The following NIBAN1 variants were observed in gnomAD, a reference collection of about 807,000 sequenced individuals.
NIBAN1 encodes the protein protein Niban 1.
Under a neutral mutation model 75.1 loss-of-function variants are expected in NIBAN1, and 81 were observed. The observed-to-expected ratio is 1.08, with a 90% confidence interval of 0.90 to 1.30. The LOEUF is 1.30. NIBAN1 is among the 50% of genes most tolerant of loss of function. The pLI, the probability that NIBAN1 is intolerant of heterozygous loss-of-function variation, is 0.00. For synonymous variants in NIBAN1, 436 were observed against 424.8 expected (o/e 1.03, Z -0.32); for missense variants, 1,133 against 1,128.1 (o/e 1.00, Z -0.06).
At chr1:184,860,705 G>T (rs1457715080) in intron 5 of NIBAN1, among the ~76,000 whole-genome samples, 1 of 152,190 alleles carries the variant, frequency 6.6e-6, no homozygotes, top group Non-Finnish European at 1.5e-5. Flanking sequence ...AGTAATGAGA[G>T]TGAGTAACAC....
chr1:184,960,202 A>C (rs189964110), intron 1 of NIBAN1, among the ~76,000 whole-genome samples: 94 of 152,318 alleles, frequency 6.2e-4, no homozygotes, highest in African/African-American at 2.2e-3. Context: ...TAATAACAAT[A>C]ATTGAAATGT....
intron 5 of NIBAN1, among the ~76,000 whole-genome samples, chr1:184,842,622 G>A (rs146409195): frequency 0.042 from 6,432 of 152,138 alleles, 204 homozygotes; most frequent in Middle Eastern, 0.11. Context: ...GCGTGGTGGC[G>A]GGCGCCTGTA....
chr1:184,906,268 A>AAC (rs35005865), intron 1 of NIBAN1, among the ~76,000 whole-genome samples: 61,704 of 149,556 alleles, frequency 0.41, 13,633 homozygotes, highest in South Asian at 0.56. Context: ...AAAATAAATG[A>AAC]ACACACACAC....
At chr1:184,955,962 A>AGT (rs1156867202) in intron 1 of NIBAN1, among the ~76,000 whole-genome samples, 1 of 151,588 alleles carries the variant, frequency 6.6e-6, no homozygotes, top group Non-Finnish European at 1.5e-5. Flanking sequence ...GTGTCCACTT[A>AGT]GTGTCTTTGT....
intron 5 of NIBAN1, among the ~76,000 whole-genome samples, chr1:184,879,165 C>A (rs1377767080): frequency 3.3e-5 from 5 of 152,196 alleles, no homozygotes; most frequent in Non-Finnish European, 7.3e-5. Context: ...CAGTAACTAG[C>A]AAGCATTTTG....
intron 1 of NIBAN1, among the ~76,000 whole-genome samples, chr1:184,914,224 T>C (rs1248947771): frequency 5.3e-5 from 8 of 152,258 alleles, no homozygotes; most frequent in Non-Finnish European, 8.8e-5. Flanking sequence ...TATATGACTT[T>C]GGGCAAGTCA....
At chr1:184,841,378 TATAAC>T (rs1655283559) in intron 5 of NIBAN1, among the ~76,000 whole-genome samples, 1 of 152,168 alleles carries the variant, frequency 6.6e-6, no homozygotes, top group South Asian at 2.1e-4. Flanking sequence ...AAATGCGAAA[TATAAC>T]AGGAACAAGA....
chr1:184,933,604 T>C (rs1312927363), intron 1 of NIBAN1, among the ~76,000 whole-genome samples: 1 of 152,242 alleles, frequency 6.6e-6, no homozygotes, highest in Non-Finnish European at 1.5e-5. Context: ...CTGATGTTCA[T>C]AAGTTCACAT....
intron 2 of NIBAN1, 101 bp downstream of exon 2, chr1:184,899,078 T>C (rs957502993): frequency 1.0e-5 from 14 of 1,400,414 alleles, no homozygotes; most frequent in Non-Finnish European, 1.4e-5. Flanking sequence ...AGCAGAGTTT[T>C]TAAAACTGCC....
chr1:184,944,788 T>G (rs1240121651), intron 1 of NIBAN1, among the ~76,000 whole-genome samples: 1 of 152,306 alleles, frequency 6.6e-6, no homozygotes, highest in East Asian at 1.9e-4. Context: ...CAAGGGTCTT[T>G]TAGTTGTATA....
chr1:184,890,257 T>A, intron 3 of NIBAN1, 35 bp from the exon 4 acceptor site: 2 of 1,515,472 alleles, frequency 1.3e-6, no homozygotes, highest in Non-Finnish European at 1.8e-6. Flanking sequence ...ATGATATCTT[T>A]TTCCCCATTT....
intron 12 of NIBAN1, among the ~76,000 whole-genome samples, chr1:184,800,766 G>C (rs1207002039): frequency 6.6e-6 from 1 of 152,158 alleles, no homozygotes; most frequent in African/African-American, 2.4e-5. Flanking sequence ...GTGGATTTAA[G>C]GGCTTGTTTA....
chr1:184,919,192 C>CA (rs1323025146), intron 1 of NIBAN1, among the ~76,000 whole-genome samples: 4 of 152,060 alleles, frequency 2.6e-5, no homozygotes, highest in Non-Finnish European at 5.9e-5. Context: ...TGAAAACAAA[C>CA]AAACAAAAAA....
chr1:184,899,449 T>C, intron 1 of NIBAN1, 140 bp from the exon 2 acceptor site: 1 of 865,420 alleles, frequency 1.2e-6, no homozygotes, highest in Non-Finnish European at 1.7e-6. Flanking sequence ...GTCACCCCTG[T>C]TTCCCAGATA....
chr1:184,798,688 T>C (rs1557867907), intron 12 of NIBAN1, among the ~76,000 whole-genome samples: 1 of 152,192 alleles, frequency 6.6e-6, no homozygotes, highest in Non-Finnish European at 1.5e-5. Flanking sequence ...TGATTTTAAA[T>C]ATGTAAATAT....
intron 6 of NIBAN1, among the ~76,000 whole-genome samples, chr1:184,827,232 G>C (rs1654865082): frequency 6.6e-6 from 1 of 151,606 alleles, no homozygotes; most frequent in Admixed American, 6.6e-5. Flanking sequence ...CTAATACAGT[G>C]GGGGAGTGGG....
intron 5 of NIBAN1, among the ~76,000 whole-genome samples, chr1:184,876,951 C>T (rs1656248910): frequency 6.6e-6 from 1 of 152,136 alleles, no homozygotes; most frequent in African/African-American, 2.4e-5. Context: ...AGGAAAATTA[C>T]ATGCAAATAC....
chr1:184,956,181 A>T (rs1180413356), intron 1 of NIBAN1, among the ~76,000 whole-genome samples: 1 of 151,960 alleles, frequency 6.6e-6, no homozygotes, highest in East Asian at 1.9e-4. Flanking sequence ...AGCATGCGCC[A>T]CTACATTTGG....
intron 5 of NIBAN1, among the ~76,000 whole-genome samples, chr1:184,863,449 T>C: frequency 6.6e-6 from 1 of 152,214 alleles, no homozygotes; most frequent in East Asian, 1.9e-4. Context: ...AAATTAGTTT[T>C]TTTTGTTTGT....
Sources: gnomAD v4.1 joint callset for allele counts (sites outside exome capture counted in the v4.1 genomes callset) on GRCh38, gnomAD v4.1.1 for gene constraint, MANE v1.5 for transcripts, NCBI Gene and HGNC (gene_info 2026-07-23, HGNC 2026-07-21) for gene names.